The following LRRC7 variants were observed in gnomAD, a reference collection of about 807,000 sequenced individuals.
The protein encoded by LRRC7 is leucine rich repeat containing 7, also known as leucine-rich repeat-containing protein 7.
Under a neutral mutation model 175.7 loss-of-function variants are expected in LRRC7, and 23 were observed. That is an observed-to-expected ratio of 0.13 (90% CI 0.09 to 0.19). The LOEUF (loss-of-function observed/expected upper bound fraction) is 0.19. Among genes scored for constraint, LRRC7 ranks in the 10% least tolerant of loss-of-function variants. The pLI is 1.00. For synonymous variants in LRRC7, 685 were observed against 680.9 expected, an observed-to-expected ratio of 1.01 and a Z score of -0.09; for missense variants, 1,354 against 1,904.7, an observed-to-expected ratio of 0.71 and a Z score of 5.38.
At chr1:69,881,479 T>G (rs1686592341) in intron 7 of LRRC7, among the ~76,000 whole-genome samples, 1 of 152,176 alleles carries the variant, frequency 6.6e-6, no homozygotes, top group Non-Finnish European at 1.5e-5. Flanking sequence ...TAGCTGTCAC[T>G]TCCGTTTGAA....
At chr1:69,587,475 C>T (rs922724277) in intron 1 of LRRC7, among the ~76,000 whole-genome samples, 2 of 152,142 alleles carry the variant, frequency 1.3e-5, no homozygotes, top group Non-Finnish European at 2.9e-5. Context: ...ATATAGGACA[C>T]TTCTCCTGAT....
chr1:69,594,458 G>C (rs1344188719), intron 1 of LRRC7, among the ~76,000 whole-genome samples: 2 of 152,104 alleles, frequency 1.3e-5, no homozygotes, highest in Admixed American at 6.5e-5. Context: ...CTTCTTCAAA[G>C]TAGCCCCTAG....
At chr1:69,838,343 T>C in intron 7 of LRRC7, 60 bp downstream of exon 7, 1 of 1,304,072 alleles carries the variant, frequency 7.7e-7, no homozygotes, top group Non-Finnish European at 1.1e-6. Context: ...GTAAGAGAAA[T>C]AACTACTTTT....
intron 1 of LRRC7, among the ~76,000 whole-genome samples, chr1:69,645,797 G>A (rs1654924852): frequency 1.3e-5 from 2 of 151,978 alleles, no homozygotes; most frequent in Admixed American, 6.6e-5. Flanking sequence ...ATAAAGATGA[G>A]GTTTTATAAA....
At position 69,639,857 on chromosome 1, in the gene LRRC7, T is replaced by TA. The variant is rs1005999439; in HGVS notation, c.3-38514dup. On this transcript the variant is annotated intron_variant, in intron 1 of 26. Coordinates refer to ENST00000651989, the MANE Select transcript of LRRC7 (RefSeq NM_001370785.2). ...ACTTTCAAGAATCATAGTTACCAGC[T>TA]AAAAAAAAAATCGGTTAATAATCCA... 2.8e-3 allele frequency among the ~76,000 whole-genome samples: 414 copies of TA among 148,038 alleles called. 1 individual carries two copies. The highest frequency in any genetic ancestry group is 5.6e-3 in the African/African-American group (226 of 40,564).
intron 3 of LRRC7, among the ~76,000 whole-genome samples, chr1:69,762,569 A>G (rs1457186043): frequency 1.3e-5 from 2 of 151,976 alleles, no homozygotes; most frequent in African/African-American, 4.8e-5. Flanking sequence ...CTGCAGGTGC[A>G]TGGATGTGGA....
At chr1:69,800,281 C>T (rs1013468638) in intron 4 of LRRC7, among the ~76,000 whole-genome samples, 4 of 151,916 alleles carry the variant, frequency 2.6e-5, no homozygotes, top group African/African-American at 4.8e-5. Context: ...CTGTGAAAAA[C>T]GGCATGCATA....
chr1:69,897,639 C>T (rs1008055126), intron 7 of LRRC7, among the ~76,000 whole-genome samples: 33 of 151,942 alleles, frequency 2.2e-4, no homozygotes, highest in African/African-American at 4.8e-4. Flanking sequence ...ATTTATGCTA[C>T]GGCATTGTGG....
At chr1:70,097,595 A>G (rs1033605391) in intron 25 of LRRC7, among the ~76,000 whole-genome samples, 45 of 141,102 alleles carry the variant, frequency 3.2e-4, no homozygotes, top group Admixed American at 7.7e-4. Context: ...ATATCTCCCA[A>G]TGCTATCCCT....
At chr1:69,972,751 A>G (rs979139178) in intron 8 of LRRC7, among the ~76,000 whole-genome samples, 20 of 151,986 alleles carry the variant, frequency 1.3e-4, no homozygotes, top group Non-Finnish European at 2.9e-4. Context: ...CGTCTGATCC[A>G]GCAATCCCAC....
intron 25 of LRRC7, 117 bp downstream of exon 25, chr1:70,089,936 C>A: frequency 1.5e-6 from 1 of 663,654 alleles, no homozygotes; most frequent in Non-Finnish European, 2.5e-6. Flanking sequence ...TAGTTAGTAA[C>A]TCTGAAGCCA....
chr1:70,039,416 G>C lies in LRRC7; in HGVS notation c.3592G>C (p.Val1198Leu). Reference sequence around the variant, plus strand: ...GCTGGATCGCCAAAGCAGCGTTACAGTGACTGAGTCCCAGTTCCTGAAAAG... The same window carrying C: ...GCTGGATCGCCAAAGCAGCGTTACACTGACTGAGTCCCAGTTCCTGAAAAG... ...GGLDRQSSVT[V>L]TESQFLKRNG... Residue 1198 changes from valine to leucine, a missense_variant, in exon 21 of 27, where the codon GTG becomes CTG. Val to Leu is a conservative substitution (Grantham distance 32, BLOSUM62 1). Coordinates refer to ENST00000651989, the MANE Select transcript of LRRC7 (RefSeq NM_001370785.2). 2 of 1,614,122 alleles carry C rather than the reference G, an allele frequency of 1.2e-6. No homozygotes were observed. The highest frequency in any genetic ancestry group is 1.7e-6 in the Non-Finnish European group (2 of 1,180,010).
At chr1:70,068,134 C>T (rs536699394) in intron 23 of LRRC7, among the ~76,000 whole-genome samples, 5 of 152,100 alleles carry the variant, frequency 3.3e-5, no homozygotes, top group African/African-American at 1.2e-4. Flanking sequence ...CTACAACTTT[C>T]AGCACTATGC....
Position 69,617,547 on chromosome 1 carries a change from T to TAAAAAAAAAAAAAAAAA in LRRC7, c.2+48915_2+48931dup, listed in dbSNP as rs11473590. Among the ~76,000 whole-genome samples, 78 of 62,000 alleles carry TAAAAAAAAAAAAAAAAA rather than the reference T, an allele frequency of 1.3e-3. 8 individuals carry two copies. Among genetic ancestry groups the TAAAAAAAAAAAAAAAAA allele is most frequent in the Admixed American group, 1.8e-3 (8 of 4,380 alleles). 40.7% of individuals were successfully genotyped at this position (62,000 alleles called of 152,430 possible). A position where few individuals can be genotyped will look rare whatever the true frequency, so the allele number is the denominator to read the frequency against. On this transcript the variant is annotated intron_variant, in intron 1 of 26. Coordinates refer to ENST00000651989, the MANE Select transcript of LRRC7 (RefSeq NM_001370785.2). ...GCTGAAGGTTGTTATATACTCACAG[T>TAAAAAAAAAAAAAAAAA]AAAAAAAAAAAAAAAAAAAAAAAAA...
At chr1:69,796,693 C>A (rs1214992550) in intron 4 of LRRC7, among the ~76,000 whole-genome samples, 1 of 151,958 alleles carries the variant, frequency 6.6e-6, no homozygotes, top group Non-Finnish European at 1.5e-5. Flanking sequence ...ACTTGGGAGG[C>A]TGAGGCAGGA....
chr1:69,621,495 G>C (rs1315819812), intron 1 of LRRC7, among the ~76,000 whole-genome samples: 1 of 152,118 alleles, frequency 6.6e-6, no homozygotes, highest in African/African-American at 2.4e-5. Context: ...TTTACATCAT[G>C]TTCTTGACTC....
intron 2 of LRRC7, among the ~76,000 whole-genome samples, chr1:69,684,927 G>T (rs893437752): frequency 1.3e-5 from 2 of 152,116 alleles, no homozygotes; most frequent in South Asian, 4.1e-4. Context: ...CTCCCTGGTG[G>T]GCAGACCTAT....
At chr1:69,894,584 G>A (rs1227413989) in intron 7 of LRRC7, among the ~76,000 whole-genome samples, 2 of 152,082 alleles carry the variant, frequency 1.3e-5, no homozygotes, top group Admixed American at 6.6e-5. Flanking sequence ...AGAAAGAAAA[G>A]CAACCTAAAT....
intron 7 of LRRC7, among the ~76,000 whole-genome samples, chr1:69,860,461 T>C (rs1021915230): frequency 3.3e-5 from 5 of 152,044 alleles, no homozygotes; most frequent in Non-Finnish European, 7.4e-5. Flanking sequence ...AAGACAGATC[T>C]GTCTTATAAA....
Sources: gnomAD v4.1 joint callset for allele counts (sites outside exome capture counted in the v4.1 genomes callset) on GRCh38, gnomAD v4.1.1 for gene constraint, MANE v1.5 for transcripts, NCBI Gene and HGNC (gene_info 2026-07-23, HGNC 2026-07-21) for gene names.